CSMD1: variants seen among roughly 807,000 people sequenced by gnomAD.
CSMD1 encodes CUB and Sushi multiple domains 1.
In CSMD1, 213 loss-of-function variants were observed where a neutral mutation model predicts 417.5. The observed-to-expected ratio is 0.51, with a 90% CI of 0.46 to 0.57. The LOEUF (loss-of-function observed/expected upper bound fraction) is 0.57, where lower values mean the gene tolerates loss of function less well. CSMD1 is among the 20% of genes least tolerant of loss of function. The pLI is 0.00. For missense variants in CSMD1, 6,923 were observed against 4,529.7 expected (o/e 1.53, Z -15.17); for synonymous variants, 2,862 against 1,736.8 (o/e 1.65, Z -16.11).
chr8:3,928,077 G>A (rs1809874425), intron 5 of CSMD1, among the ~76,000 whole-genome samples: 3 of 152,026 alleles, frequency 2.0e-5, no homozygotes, highest in South Asian at 4.2e-4. Flanking sequence ...TATTCAAGGA[G>A]GCCTGAGTTT....
At chr8:3,124,878 A>C (rs1052145598) in intron 41 of CSMD1, among the ~76,000 whole-genome samples, 1 of 152,244 alleles carries the variant, frequency 6.6e-6, no homozygotes, top group African/African-American at 2.4e-5. Flanking sequence ...TCAAGAATTT[A>C]AAATGCCAAT....
intron 1 of CSMD1, among the ~76,000 whole-genome samples, chr8:4,749,132 A>C (rs901374611): frequency 6.6e-6 from 1 of 152,236 alleles, no homozygotes; most frequent in African/African-American, 2.4e-5. Context: ...GCCACATCTA[A>C]TATTGTCATG....
chr8:3,901,306 G>C (rs954891108), intron 5 of CSMD1, among the ~76,000 whole-genome samples: 10 of 152,034 alleles, frequency 6.6e-5, no homozygotes, highest in African/African-American at 1.2e-4. Flanking sequence ...TTCTGCATCA[G>C]TGACACTCTT....
chr8:3,239,741 T>A (rs1181366359), intron 26 of CSMD1, among the ~76,000 whole-genome samples: 1 of 152,176 alleles, frequency 6.6e-6, no homozygotes, highest in Non-Finnish European at 1.5e-5. Context: ...CGATTAGGCC[T>A]GGTGGAACTG....
chr8:4,146,265 AGT>A (rs2131034913), intron 3 of CSMD1, among the ~76,000 whole-genome samples: 1 of 151,202 alleles, frequency 6.6e-6, no homozygotes, highest in South Asian at 2.1e-4. Flanking sequence ...CACTCGAGGC[AGT>A]AATTCGCGTA....
At position 4,486,276 on chromosome 8, in the gene CSMD1, T is replaced by C. The variant is rs867991679; in HGVS notation, c.303-66211A>G. Among the ~76,000 whole-genome samples, 243 of 140,974 alleles carry C rather than the reference T, an allele frequency of 1.7e-3. 2 individuals are homozygous for C. The highest frequency in any genetic ancestry group is 6.1e-3 in the African/African-American group (226 of 36,874). The allele number at this position is 140,974 out of a possible 152,430, so 92.5% of individuals were successfully genotyped here. On this transcript the variant is annotated intron_variant, in intron 2 of 69. Transcript: ENST00000635120. Reference sequence around the variant, plus strand: ...ATATATATATATATATATATATATATACGCACACGCAAACATAGGCACATA... The same window carrying C: ...ATATATATATATATATATATATATACACGCACACGCAAACATAGGCACATA...
intron 47 of CSMD1, among the ~76,000 whole-genome samples, chr8:3,093,015 A>C (rs1815055940): frequency 6.6e-6 from 1 of 152,192 alleles, no homozygotes; most frequent in Non-Finnish European, 1.5e-5. Context: ...CTCACCGTGT[A>C]ACTCCCAATC....
At chr8:4,166,905 C>T (rs1479150173) in intron 3 of CSMD1, among the ~76,000 whole-genome samples, 7 of 152,204 alleles carry the variant, frequency 4.6e-5, no homozygotes, top group African/African-American at 7.2e-5. Context: ...GCAGCAGCCT[C>T]ATTTTGAATG....
At chr8:4,092,246 C>T (rs1474613640) in intron 3 of CSMD1, among the ~76,000 whole-genome samples, 2 of 152,080 alleles carry the variant, frequency 1.3e-5, no homozygotes, top group East Asian at 3.9e-4. Flanking sequence ...GACAAACAGG[C>T]AAAACCTCCA....
At chr8:3,849,208 T>C (rs368010484) in intron 5 of CSMD1, among the ~76,000 whole-genome samples, 8 of 151,966 alleles carry the variant, frequency 5.3e-5, no homozygotes, top group Admixed American at 4.6e-4. Flanking sequence ...CTGGGAATGG[T>C]TGATGAGAAA....
chr8:4,780,712 G>C (rs1840880), intron 1 of CSMD1, among the ~76,000 whole-genome samples: 151,875 of 152,220 alleles, frequency 1, 75,765 homozygotes, highest in Middle Eastern at 1. Context: ...TTTTATTTCT[G>C]ACCCCCTTCC....
chr8:4,904,690 A>G (rs747057309), intron 1 of CSMD1, among the ~76,000 whole-genome samples: 1 of 152,208 alleles, frequency 6.6e-6, no homozygotes, highest in East Asian at 1.9e-4. Flanking sequence ...TACTGGGGAA[A>G]ACTAAAATGG....
At chr8:3,445,623 C>T (rs1025546151) in intron 12 of CSMD1, among the ~76,000 whole-genome samples, 1 of 152,020 alleles carries the variant, frequency 6.6e-6, no homozygotes, top group Non-Finnish European at 1.5e-5. Flanking sequence ...AGAAGAGAGG[C>T]CATTCACTTG....
chr8:3,814,185 C>T (rs749898930), intron 5 of CSMD1, among the ~76,000 whole-genome samples: 2 of 152,180 alleles, frequency 1.3e-5, no homozygotes, highest in African/African-American at 2.4e-5. Flanking sequence ...ATGCAAACTG[C>T]AAGACACTTT....
chr8:4,947,160 A>G (rs944829891), intron 1 of CSMD1, among the ~76,000 whole-genome samples: 6 of 152,222 alleles, frequency 3.9e-5, no homozygotes, highest in Non-Finnish European at 7.4e-5. Context: ...AATTCACAAC[A>G]AAATAAAACA....
At chr8:3,789,406 AAGTTTTTTTTTTTT>A (rs1799610950) in intron 5 of CSMD1, among the ~76,000 whole-genome samples, 1 of 9,950 alleles carries the variant, frequency 1.0e-4, no homozygotes, top group Non-Finnish European at 3.8e-4. Flanking sequence ...TTTTTTAAGT[AAGTTTTTTTTTTTT>A]AAGTAGTGTT....
chr8:3,768,300 C>T (rs1268789665), intron 5 of CSMD1, among the ~76,000 whole-genome samples: 2 of 152,182 alleles, frequency 1.3e-5, no homozygotes, highest in African/African-American at 2.4e-5. Context: ...GGTTGGTTCA[C>T]CTTCCCACTC....
chr8:4,184,682 A>G (rs1403180953), intron 3 of CSMD1, among the ~76,000 whole-genome samples: 2 of 152,180 alleles, frequency 1.3e-5, no homozygotes, highest in Non-Finnish European at 2.9e-5. Flanking sequence ...GAGGGAAACA[A>G]CAGACACCAG....
intron 1 of CSMD1, among the ~76,000 whole-genome samples, chr8:4,964,420 G>A (rs942485232): frequency 4.7e-5 from 7 of 149,338 alleles, no homozygotes; most frequent in African/African-American, 1.5e-4. Context: ...CTGGGAAGCT[G>A]AGGTGGGAGA....
Sources: gnomAD v4.1 joint callset for allele counts (sites outside exome capture counted in the v4.1 genomes callset) on GRCh38, gnomAD v4.1.1 for gene constraint, MANE v1.5 for transcripts, NCBI Gene and HGNC (gene_info 2026-07-23, HGNC 2026-07-21) for gene names.